The following CTPS2 variants were observed in gnomAD, a reference collection of about 807,000 sequenced individuals.
CTPS2 encodes CTP synthase II.
CTPS2 carries 19 observed loss-of-function variants against 46.8 expected under a neutral mutation model. The ratio of observed to expected loss-of-function variants is 0.41; its 90% CI spans 0.28 to 0.60. The LOEUF (loss-of-function observed/expected upper bound fraction) is 0.60. CTPS2 is among the 20% of genes least tolerant of loss of function. The probability of loss-of-function intolerance (pLI) is 0.35; values close to 1 mark genes in which losing one functional copy is unlikely to be tolerated. For missense variants in CTPS2, 286 were observed against 447.6 expected (o/e 0.64, Z 3.26); for synonymous variants, 151 against 165.2 (o/e 0.91, Z 0.66).
chrX:16,623,376 T>C (rs1191300604), intron 14 of CTPS2, among the ~76,000 whole-genome samples: 1 of 111,688 alleles, frequency 9.0e-6, no homozygotes, highest in Non-Finnish European at 1.9e-5. Flanking sequence ...TTCTACTTTT[T>C]GAACCCATTA....
intron 13 of CTPS2, among the ~76,000 whole-genome samples, chrX:16,663,956 C>A (rs1003073087): frequency 9.0e-6 from 1 of 111,130 alleles, no homozygotes; most frequent in Non-Finnish European, 1.9e-5. Context: ...CTGCCTCAGC[C>A]TCCCGAGTAG....
chrX:16,663,889 A>G (rs67947857), intron 13 of CTPS2, among the ~76,000 whole-genome samples: 14,975 of 110,085 alleles, frequency 0.14, 799 homozygotes, highest in East Asian at 0.23. Context: ...AGGCTGGAGT[A>G]CAGTGGTGCA....
At chrX:16,630,236 A>G (rs1195707700) in intron 14 of CTPS2, among the ~76,000 whole-genome samples, 1 of 104,691 alleles carries the variant, frequency 9.6e-6, no homozygotes, top group Non-Finnish European at 2.0e-5. Context: ...AATTCCTTCA[A>G]GTTTGTTGTG....
At chrX:16,595,162 TACACACACACACAC>T (rs10643985) in intron 17 of CTPS2, among the ~76,000 whole-genome samples, 8 of 102,729 alleles carry the variant, frequency 7.8e-5, no homozygotes, top group South Asian at 4.3e-4. Flanking sequence ...AGCAATCTTT[TACACACACACACAC>T]ACACACACAC....
chrX:16,654,530 C>T, intron 13 of CTPS2: 5 of 986,944 alleles, frequency 5.1e-6, no homozygotes, highest in Non-Finnish European at 7.1e-6. Flanking sequence ...AAAATAGAAC[C>T]CTGAGCACTG....
intron 8 of CTPS2, among the ~76,000 whole-genome samples, chrX:16,684,638 A>C (rs922603088): frequency 1.8e-5 from 2 of 111,901 alleles, no homozygotes; most frequent in East Asian, 5.6e-4. Context: ...ACTGACAGGG[A>C]AGGTAACTTT....
At chrX:16,616,963 G>C (rs1284655474) in intron 16 of CTPS2, among the ~76,000 whole-genome samples, 187 bp downstream of exon 16, 5 of 111,849 alleles carry the variant, frequency 4.5e-5, no homozygotes, top group African/African-American at 1.6e-4. Context: ...CCAAAGTGCT[G>C]GGATTACAGG....
At chrX:16,669,368 A>G (rs1921525617) in intron 11 of CTPS2, among the ~76,000 whole-genome samples, 1 of 104,405 alleles carries the variant, frequency 9.6e-6, no homozygotes, top group Admixed American at 1.0e-4. Context: ...AGCAATCAAT[A>G]TATCAGGGAT....
Position 16,668,770 on chromosome X carries a change from AAAGGAAGGAAGG to A in CTPS2, c.1190-1058_1190-1047del, listed in dbSNP as rs753753580. 7.8e-3 allele frequency among the ~76,000 whole-genome samples: 577 copies of A among 73,614 alleles called. 6 individuals are homozygous for A. Among genetic ancestry groups the A allele is most frequent in the African/African-American group, 0.028 (494 of 17,345 alleles). 63.9% of individuals were successfully genotyped at this position (73,614 alleles called of 115,157 possible). On this transcript the variant is annotated intron_variant, in intron 11 of 18. Coordinates refer to ENST00000359276, the MANE Select transcript of CTPS2 (RefSeq NM_175859.3). ...GAAAGAAAGAAGGAAGGAAGGAAGG[AAAGGAAGGAAGG>A]AAGGAAGGAAGGAAGGAAGGAAGGA...
At chrX:16,626,052 C>T (rs1217497173) in intron 14 of CTPS2, among the ~76,000 whole-genome samples, 2 of 111,344 alleles carry the variant, frequency 1.8e-5, no homozygotes, top group Non-Finnish European at 3.8e-5. Context: ...TCCCGGTCTC[C>T]TGTCCATATC....
intron 16 of CTPS2, among the ~76,000 whole-genome samples, chrX:16,611,916 T>C (rs1445039989): frequency 1.8e-5 from 2 of 112,010 alleles, no homozygotes; most frequent in Non-Finnish European, 3.8e-5. Context: ...AATTAAGCAA[T>C]GTAGCTTAAA....
intron 14 of CTPS2, among the ~76,000 whole-genome samples, chrX:16,625,951 A>G (rs939205620): frequency 2.7e-5 from 3 of 111,376 alleles, no homozygotes; most frequent in African/African-American, 6.5e-5. Flanking sequence ...TGGGGGTGAA[A>G]ACAGGAATGC....
intron 13 of CTPS2, among the ~76,000 whole-genome samples, chrX:16,659,082 A>T (rs758405724): frequency 8.9e-6 from 1 of 112,140 alleles, no homozygotes; most frequent in East Asian, 2.8e-4. Context: ...CTATGGTTTG[A>T]GTTTTTATTA....
chrX:16,612,097 C>T (rs1284127239), intron 16 of CTPS2, among the ~76,000 whole-genome samples: 1 of 111,655 alleles, frequency 9.0e-6, no homozygotes, highest in Non-Finnish European at 1.9e-5. Context: ...ATCACTTTAT[C>T]CAAAAAATCC....
At position 16,690,571 on chromosome X, in the gene CTPS2, C is replaced by T; in HGVS notation, c.720+969G>A. Reference sequence around the variant, plus strand: ...ATTCAATTTGATCATTTTTAGACTTCAGAGAACCCAGAGTTATAATCTGAA... The same window carrying T: ...ATTCAATTTGATCATTTTTAGACTTTAGAGAACCCAGAGTTATAATCTGAA... On this transcript the variant is annotated intron_variant, in intron 7 of 18. Transcript: ENST00000359276. Among the ~76,000 whole-genome samples, 3 of 111,221 alleles carry T rather than the reference C, an allele frequency of 2.7e-5. No individual in the cohort carries two copies. In the South Asian group the frequency reaches 1.1e-3, roughly 42 times the overall value.
chrX:16,645,073 C>T (rs960024492), intron 13 of CTPS2, among the ~76,000 whole-genome samples: 1 of 111,802 alleles, frequency 8.9e-6, no homozygotes, highest in Non-Finnish European at 1.9e-5. Context: ...AGCTCCGCCT[C>T]CCGGGTTCAC....
chrX:16,662,374 T>C (rs1291373607), intron 13 of CTPS2, among the ~76,000 whole-genome samples: 1 of 111,762 alleles, frequency 8.9e-6, no homozygotes, highest in Non-Finnish European at 1.9e-5. Context: ...GAGTCTACCT[T>C]AACCCTTAGG....
intron 10 of CTPS2, among the ~76,000 whole-genome samples, chrX:16,674,509 A>C (rs971748366): frequency 9.0e-6 from 1 of 111,380 alleles, no homozygotes; most frequent in Non-Finnish European, 1.9e-5. Flanking sequence ...AGTTTGAGCA[A>C]GTTGTAGAAG....
intron 13 of CTPS2, among the ~76,000 whole-genome samples, chrX:16,642,116 A>G (rs941471112): frequency 6.2e-5 from 7 of 112,200 alleles, no homozygotes; most frequent in African/African-American, 2.3e-4. Flanking sequence ...ACTAATGAAA[A>G]TACAAGTTTA....
Sources: gnomAD v4.1 joint callset for allele counts (sites outside exome capture counted in the v4.1 genomes callset) on GRCh38, gnomAD v4.1.1 for gene constraint, MANE v1.5 for transcripts, NCBI Gene and HGNC (gene_info 2026-07-23, HGNC 2026-07-21) for gene names.